The following JAK2 variants were observed in gnomAD, a reference collection of about 807,000 sequenced individuals.
The protein encoded by JAK2 is tyrosine-protein kinase JAK2.
A neutral mutation model predicts 139.3 loss-of-function variants in JAK2; 86 were observed. The ratio of observed to expected loss-of-function variants is 0.62; its 90% confidence interval spans 0.52 to 0.74. The LOEUF is 0.74. JAK2 is among the 30% of genes least tolerant of loss of function. The pLI is 0.00. For missense variants in JAK2, 1,421 were observed against 1,360.3 expected, an observed-to-expected ratio of 1.04 and a Z score of -0.70; for synonymous variants, 490 against 437.7, an observed-to-expected ratio of 1.12 and a Z score of -1.49.
At chr9:5,118,572 T>C (rs114901283) in intron 22 of JAK2, among the ~76,000 whole-genome samples, 435 of 152,258 alleles carry the variant, frequency 2.9e-3, no homozygotes, top group African/African-American at 0.01. Context: ...CTCCAATTGG[T>C]TTGTATATCC....
chr9:5,083,588 T>C (rs1404071475), intron 19 of JAK2, among the ~76,000 whole-genome samples: 1 of 152,190 alleles, frequency 6.6e-6, no homozygotes, highest in Admixed American at 6.5e-5. Flanking sequence ...GCTTGCCCTT[T>C]TTTTCCTTGA....
intron 12 of JAK2, 120 bp downstream of exon 12, chr9:5,070,172 A>G (rs2130531155): frequency 1.7e-6 from 1 of 602,908 alleles, no homozygotes; most frequent in East Asian, 3.5e-5. Flanking sequence ...GTTGTGATTT[A>G]AATATTTTTC....
At chr9:5,032,583 C>T (rs1187778894) in intron 4 of JAK2, among the ~76,000 whole-genome samples, 1 of 152,178 alleles carries the variant, frequency 6.6e-6, no homozygotes, top group African/African-American at 2.4e-5. Context: ...ACATTTGCTG[C>T]TCACCAATAT....
At chr9:5,004,393 T>G (rs1435356137) in intron 2 of JAK2, among the ~76,000 whole-genome samples, 1 of 152,200 alleles carries the variant, frequency 6.6e-6, no homozygotes, top group Non-Finnish European at 1.5e-5. Flanking sequence ...AGTTTTGTCT[T>G]TCTGTGCCTA....
intron 22 of JAK2, among the ~76,000 whole-genome samples, chr9:5,095,396 C>G (rs771535714): frequency 4.6e-5 from 7 of 152,126 alleles, no homozygotes; most frequent in Non-Finnish European, 8.8e-5. Context: ...GAAGCAGCCA[C>G]CAAATATTTT....
intron 10 of JAK2, 98 bp downstream of exon 10, chr9:5,066,887 T>G: frequency 2.1e-6 from 1 of 485,450 alleles, no homozygotes; most frequent in African/African-American, 2.0e-5. Context: ...TACTGAGAAT[T>G]ATAGCTTTGG....
At chr9:5,109,394 C>T (rs1280365186) in intron 22 of JAK2, 2 of 152,064 alleles carry the variant, frequency 1.3e-5, no homozygotes, top group African/African-American at 4.8e-5. Context: ...TAACTCATGC[C>T]CCCATGCCTA....
At chr9:5,037,634 A>G (rs1262252873) in intron 4 of JAK2, among the ~76,000 whole-genome samples, 1 of 151,960 alleles carries the variant, frequency 6.6e-6, no homozygotes, top group Non-Finnish European at 1.5e-5. Flanking sequence ...GCATGTTCTC[A>G]CTCTTAGGTG....
intron 14 of JAK2, among the ~76,000 whole-genome samples, chr9:5,076,016 C>T (rs192244446): frequency 6.6e-6 from 1 of 152,260 alleles, no homozygotes; most frequent in East Asian, 1.9e-4. Flanking sequence ...AAGGAAGTCA[C>T]TGCAGAGATG....
intron 4 of JAK2, among the ~76,000 whole-genome samples, chr9:5,040,607 C>T (rs1036758424): frequency 1.3e-5 from 2 of 152,248 alleles, no homozygotes; most frequent in African/African-American, 2.4e-5. Context: ...AGAATTCTTA[C>T]AGCTCAACAA....
At chr9:5,009,064 A>G (rs1286174874) in intron 2 of JAK2, among the ~76,000 whole-genome samples, 1 of 152,176 alleles carries the variant, frequency 6.6e-6, no homozygotes, top group Non-Finnish European at 1.5e-5. Flanking sequence ...AGAATTTATT[A>G]TGCACAGCCA....
chr9:5,073,818 C>G (rs750266673), intron 14 of JAK2, 33 bp downstream of exon 14: 2 of 1,309,762 alleles, frequency 1.5e-6, no homozygotes, highest in South Asian at 2.5e-5. Context: ...TAATGCCTTT[C>G]TCAGAGCATC....
chr9:5,063,609 TTA>T (rs1818340133), intron 8 of JAK2, among the ~76,000 whole-genome samples: 1 of 152,172 alleles, frequency 6.6e-6, no homozygotes, highest in Non-Finnish European at 1.5e-5. Context: ...GAAAATTAAT[TTA>T]GAGAGGATTT....
At chr9:4,989,607 T>C (rs1039681576) in intron 2 of JAK2, among the ~76,000 whole-genome samples, 2 of 152,294 alleles carry the variant, frequency 1.3e-5, no homozygotes, top group Admixed American at 1.3e-4. Context: ...TAAAGAAATA[T>C]AAAATAGGCT....
intron 5 of JAK2, among the ~76,000 whole-genome samples, chr9:5,045,417 A>G (rs534615414): frequency 1.1e-4 from 16 of 152,310 alleles, no homozygotes; most frequent in African/African-American, 3.6e-4. Context: ...GGTAAGAGAT[A>G]TATAATAAAA....
chr9:5,112,900 G>A, intron 22 of JAK2: 1 of 312,578 alleles, frequency 3.2e-6, no homozygotes, highest in Non-Finnish European at 5.7e-6. Flanking sequence ...CGTGGGCTGG[G>A]CCCAGAACGC....
chr9:5,058,018 C>G (rs1264664325), intron 8 of JAK2, among the ~76,000 whole-genome samples: 1 of 152,154 alleles, frequency 6.6e-6, no homozygotes, highest in Non-Finnish European at 1.5e-5. Flanking sequence ...CAGCATGTAT[C>G]AATTTCCTTC....
At chr9:5,064,736 T>A (rs1002609429) in intron 8 of JAK2, 147 bp from the exon 9 acceptor site, 5 of 487,692 alleles carry the variant, frequency 1.0e-5, no homozygotes, top group African/African-American at 9.9e-5. Context: ...ACATGAGAAT[T>A]TGTAATTCAT....
At chr9:5,039,464 T>C (rs1208087520) in intron 4 of JAK2, among the ~76,000 whole-genome samples, 1 of 152,170 alleles carries the variant, frequency 6.6e-6, no homozygotes, top group African/African-American at 2.4e-5. Context: ...ACTATGCCTT[T>C]GTATATCAGG....
Sources: gnomAD v4.1 joint callset for allele counts (sites outside exome capture counted in the v4.1 genomes callset) on GRCh38, gnomAD v4.1.1 for gene constraint, MANE v1.5 for transcripts, NCBI Gene and HGNC (gene_info 2026-07-23, HGNC 2026-07-21) for gene names.